Variants in ATP2B2 observed in about 807,000 individuals in gnomAD.
ATP2B2 encodes plasma membrane calcium-transporting ATPase 2.
Under a neutral mutation model 120.0 loss-of-function variants are expected in ATP2B2, and 15 were observed. The ratio of observed to expected loss-of-function variants is 0.12; its 90% CI spans 0.08 to 0.19. The LOEUF (loss-of-function observed/expected upper bound fraction) is 0.19, where lower values mean the gene tolerates loss of function less well. Ranked by LOEUF, ATP2B2 falls within the 10% of genes least tolerant of loss-of-function variation. The pLI, the probability that ATP2B2 is intolerant of heterozygous loss-of-function variation, is 1.00. For missense variants in ATP2B2, 1,045 were observed against 1,719.8 expected (o/e 0.61, Z 6.94); for synonymous variants, 694 against 700.3 (o/e 0.99, Z 0.14).
intron 1 of ATP2B2, among the ~76,000 whole-genome samples, chr3:10,494,368 C>A (rs1195437647): frequency 2.0e-5 from 3 of 152,082 alleles, no homozygotes; most frequent in African/African-American, 7.3e-5. Flanking sequence ...TATTTTTGCC[C>A]ATTTTACAGA....
At chr3:10,489,297 T>C (rs2065847079) in intron 1 of ATP2B2, among the ~76,000 whole-genome samples, 1 of 152,244 alleles carries the variant, frequency 6.6e-6, no homozygotes, top group Non-Finnish European at 1.5e-5. Context: ...CCTGCTCGAA[T>C]GCAAGCTCCA....
chr3:10,473,289 G>A (rs369420834), intron 1 of ATP2B2, among the ~76,000 whole-genome samples: 2 of 152,188 alleles, frequency 1.3e-5, no homozygotes, highest in East Asian at 1.9e-4. Flanking sequence ...CAAGCATACT[G>A]TACTTGCCTC....
intron 2 of ATP2B2, among the ~76,000 whole-genome samples, chr3:10,596,850 A>C (rs1208422111): frequency 1.3e-5 from 2 of 152,234 alleles, no homozygotes; most frequent in Non-Finnish European, 2.9e-5. Flanking sequence ...CAAACGAAGG[A>C]GGCTGCAGGG....
rs750951619 is a variant in ATP2B2, at chr3:10,358,941, A to C, written c.1902-16T>G. 2 of 1,612,206 alleles carry C rather than the reference A, an allele frequency of 1.2e-6. No homozygotes were observed. Among genetic ancestry groups the C allele is most frequent in the Non-Finnish European group, 8.5e-7 (1 of 1,179,610 alleles). ...TTTGCAGCACCTAGGGGAGGATGGA[A>C]GGGAGATGGGGAGCCCAGGGAATGC... On this transcript the variant is annotated splice_polypyrimidine_tract_variant and intron_variant, in intron 13 of 22. Transcript: ENST00000360273.
intron 1 of ATP2B2, among the ~76,000 whole-genome samples, chr3:10,705,263 C>T (rs1461817927): frequency 6.6e-6 from 1 of 152,220 alleles, no homozygotes; most frequent in African/African-American, 2.4e-5. Context: ...TTAATCTCTG[C>T]TGACTCCTGC....
intron 1 of ATP2B2, among the ~76,000 whole-genome samples, chr3:10,697,842 G>A (rs1241458675): frequency 6.6e-6 from 1 of 152,218 alleles, no homozygotes; most frequent in African/African-American, 2.4e-5. Flanking sequence ...TCACTCATTC[G>A]TTCATTCATT....
At chr3:10,383,530 G>A (rs965840118) in intron 8 of ATP2B2, among the ~76,000 whole-genome samples, 1 of 152,304 alleles carries the variant, frequency 6.6e-6, no homozygotes, top group African/African-American at 2.4e-5. Flanking sequence ...ACTCCACTGG[G>A]AAATCCTGGA....
intron 1 of ATP2B2, among the ~76,000 whole-genome samples, chr3:10,631,123 A>G (rs1338752363): frequency 1.3e-5 from 2 of 152,214 alleles, no homozygotes; most frequent in Non-Finnish European, 2.9e-5. Context: ...CTTTATCTGT[A>G]AATCTGTAAA....
intron 2 of ATP2B2, among the ~76,000 whole-genome samples, chr3:10,433,774 T>A (rs2063394610): frequency 6.6e-6 from 1 of 152,184 alleles, no homozygotes; most frequent in Non-Finnish European, 1.5e-5. Flanking sequence ...CAGCTGATGC[T>A]CAGGATAAAT....
intron 2 of ATP2B2, among the ~76,000 whole-genome samples, chr3:10,534,883 T>G (rs1324932210): frequency 6.6e-6 from 1 of 150,850 alleles, no homozygotes; most frequent in African/African-American, 2.4e-5. Flanking sequence ...CTCAATCCAT[T>G]TATTCATTTA....
chr3:10,433,470 G>T (rs1423089961), intron 2 of ATP2B2, among the ~76,000 whole-genome samples: 1 of 152,120 alleles, frequency 6.6e-6, no homozygotes, highest in Non-Finnish European at 1.5e-5. Flanking sequence ...ATAGGATTGG[G>T]AATGTTAGGA....
intron 2 of ATP2B2, among the ~76,000 whole-genome samples, chr3:10,566,787 C>T (rs929616092): frequency 1.3e-5 from 2 of 152,060 alleles, no homozygotes; most frequent in African/African-American, 2.4e-5. Flanking sequence ...TAACATGGGG[C>T]CAGTTCTTGG....
intron 2 of ATP2B2, among the ~76,000 whole-genome samples, chr3:10,552,969 G>C (rs1179323587): frequency 6.6e-6 from 1 of 152,300 alleles, no homozygotes; most frequent in Non-Finnish European, 1.5e-5. Context: ...AAGGCAAGGA[G>C]GCAGAGATTG....
At chr3:10,598,971 G>C (rs1054818376) in intron 2 of ATP2B2, among the ~76,000 whole-genome samples, 5 of 152,242 alleles carry the variant, frequency 3.3e-5, no homozygotes, top group Non-Finnish European at 7.3e-5. Flanking sequence ...TAACAGGTAA[G>C]TGATCCCACC....
chr3:10,580,490 G>A (rs559636397), intron 2 of ATP2B2, among the ~76,000 whole-genome samples: 28 of 152,256 alleles, frequency 1.8e-4, no homozygotes, highest in African/African-American at 6.5e-4. Flanking sequence ...TGGCGTGTAA[G>A]GTCAGCTTGG....
intron 12 of ATP2B2, among the ~76,000 whole-genome samples, chr3:10,366,146 C>T (rs2061049654): frequency 1.3e-5 from 2 of 152,120 alleles, no homozygotes; most frequent in South Asian, 4.1e-4. Context: ...CAGGGTATGG[C>T]CTGGCTTAGG....
At chr3:10,512,464 G>GCGCACACA (rs749056818) in intron 3 of ATP2B2, among the ~76,000 whole-genome samples, 27 of 137,020 alleles carry the variant, frequency 2.0e-4, no homozygotes, top group South Asian at 7.0e-4. Flanking sequence ...AAGTGTGTGC[G>GCGCACACA]CACACACACA....
intron 1 of ATP2B2, among the ~76,000 whole-genome samples, chr3:10,620,693 T>C (rs937727443): frequency 1.3e-5 from 2 of 152,152 alleles, no homozygotes; most frequent in African/African-American, 4.8e-5. Flanking sequence ...CAAGGTACCC[T>C]GACCCTGAGG....
At chr3:10,555,106 T>C (rs920867682) in intron 2 of ATP2B2, among the ~76,000 whole-genome samples, 1 of 152,238 alleles carries the variant, frequency 6.6e-6, no homozygotes, top group Non-Finnish European at 1.5e-5. Flanking sequence ...CCAAAGCCTA[T>C]GGCCTCAGTG....
Sources: gnomAD v4.1 joint callset for allele counts (sites outside exome capture counted in the v4.1 genomes callset) on GRCh38, gnomAD v4.1.1 for gene constraint, MANE v1.5 for transcripts, NCBI Gene and HGNC (gene_info 2026-07-23, HGNC 2026-07-21) for gene names.